Variants in TM2D3 observed in about 807,000 individuals in gnomAD.
TM2D3 encodes TM2 domain-containing protein 3.
In TM2D3, 33 loss-of-function variants were observed where a neutral mutation model predicts 27.3. The ratio of observed to expected loss-of-function variants is 1.21; its 90% CI spans 0.92 to 1.61. TM2D3 has a LOEUF of 1.61. Ranked by LOEUF, TM2D3 falls within the 40% of genes most tolerant of loss-of-function variation. The pLI is 0.00. For synonymous variants in TM2D3, 138 were observed against 122.2 expected (o/e 1.13, Z -0.85); for missense variants, 364 against 320.8 (o/e 1.13, Z -1.03).
chr15:101,636,358 T>C (rs560815552), intron 4 of TM2D3: 6 of 152,290 alleles, frequency 3.9e-5, no homozygotes, highest in African/African-American at 1.4e-4. Flanking sequence ...CACCCAAAGA[T>C]GCTGGGGTCA....
chr15:101,637,628 A>G (rs74817739), downstream of TM2D3, among the ~76,000 whole-genome samples: 4 of 152,294 alleles, frequency 2.6e-5, no homozygotes, highest in East Asian at 5.8e-4. Context: ...GAGGGAAAAA[A>G]GGTCAGAGTT....
At chr15:101,639,244 T>C (rs564938756), downstream of TM2D3, among the ~76,000 whole-genome samples, 9 of 152,276 alleles carry the variant, frequency 5.9e-5, no homozygotes, top group East Asian at 1.5e-3. Flanking sequence ...ACGCATACGA[T>C]GTATATACAA....
At chr15:101,642,720 A>G in intron 5 of TM2D3, 76 bp from the exon 6 acceptor site, 1 of 1,275,666 alleles carries the variant, frequency 7.8e-7, no homozygotes, top group Non-Finnish European at 1.1e-6. Context: ...TAATCACCAC[A>G]TTATGTCAGA....
chr15:101,646,689 C>A lies in TM2D3; in HGVS notation c.502+36G>T, dbSNP rs760538410. The A allele has an allele frequency of 2.5e-6, 4 of 1,613,352 alleles. No homozygotes were observed. The Admixed American group carries it at 6.7e-5, about 27-fold the overall frequency. ...TCCCTTCAATAAACTTGGAGAAAAA[C>A]ATTTTGTTGACAAATGTCCTTGAAC... On this transcript the variant is annotated intron_variant, in intron 4 of 5. Coordinates refer to ENST00000333202, the MANE Select transcript of TM2D3 (RefSeq NM_078474.3).
intron 1 of TM2D3, 140 bp downstream of exon 1, chr15:101,652,131 T>G (rs1897000083): frequency 1.2e-6 from 1 of 814,720 alleles, no homozygotes; most frequent in Admixed American, 2.5e-5. Context: ...AGACTCCAGA[T>G]GCAGCGACAA....
chr15:101,645,495 A>G (rs1255912019), intron 4 of TM2D3: 4 of 288,234 alleles, frequency 1.4e-5, no homozygotes, highest in Non-Finnish European at 2.6e-5. Flanking sequence ...AGAAATATAC[A>G]AACACTTCAT....
At chr15:101,640,518 C>A (rs1281237819), downstream of TM2D3, among the ~76,000 whole-genome samples, 1 of 152,164 alleles carries the variant, frequency 6.6e-6, no homozygotes, top group Non-Finnish European at 1.5e-5. Context: ...AGGAATAGAA[C>A]CTGAAGGTCA....
chr15:101,643,599 T>TTAAA (rs1309191747), intron 5 of TM2D3, among the ~76,000 whole-genome samples: 16 of 47,314 alleles, frequency 3.4e-4, no homozygotes, highest in African/African-American at 1.0e-3. Flanking sequence ...GAGACTCCGT[T>TTAAA]AAAAAAAAAA....
At position 101,651,640 on chromosome 15, in the gene TM2D3, A is replaced by G. The variant is rs1254939958; in HGVS notation, c.169+56T>C. The G allele has an allele frequency of 2.2e-5, 33 of 1,509,834 alleles. 1 individual carries two copies. The South Asian group carries it at 3.1e-4, about 14-fold the overall frequency. The allele number at this position is 1,509,834 out of a possible 1,614,324, so 93.5% of individuals were successfully genotyped here. A position where few individuals can be genotyped will look rare whatever the true frequency, so the allele number is the denominator to read the frequency against. ...CTAAAGGGAATTTTTATAAAAACAA[A>G]GAGAAACTACTAGAGATAACTACAT... is the stretch of plus-strand genomic sequence containing the variant. On this transcript the variant is annotated intron_variant, in intron 2 of 5. Transcript: ENST00000333202.
intron 4 of TM2D3, chr15:101,646,268 T>A (rs1896802882): frequency 6.0e-6 from 1 of 167,224 alleles, no homozygotes; most frequent in African/African-American, 2.4e-5. Context: ...TACACGGTTC[T>A]AAAACATGCA....
chr15:101,637,762 AG>A (rs1413418925), downstream of TM2D3, among the ~76,000 whole-genome samples: 2 of 152,146 alleles, frequency 1.3e-5, no homozygotes, highest in Non-Finnish European at 2.9e-5. Flanking sequence ...TTTTAGAGAC[AG>A]GCGTAACTAC....
chr15:101,651,565 C>A, intron 2 of TM2D3, 131 bp downstream of exon 2: 2 of 918,890 alleles, frequency 2.2e-6, no homozygotes, highest in South Asian at 3.2e-5. Context: ...CCTTAATTCA[C>A]ATAATCTAAA....
chr15:101,651,944 G>C, intron 1 of TM2D3, 171 bp from the exon 2 acceptor site: 3 of 686,994 alleles, frequency 4.4e-6, no homozygotes, highest in Non-Finnish European at 7.6e-6. Flanking sequence ...CAACAGAGTA[G>C]ACATCAGTTC....
chr15:101,641,662 A>C (rs1447882376), downstream of TM2D3, among the ~76,000 whole-genome samples: 1 of 152,180 alleles, frequency 6.6e-6, no homozygotes, highest in African/African-American at 2.4e-5. Flanking sequence ...TTCCCCGATA[A>C]AGGGTCTATA....
intron 4 of TM2D3, 80 bp downstream of exon 4, chr15:101,646,645 C>T (rs770345190): frequency 1.1e-4 from 162 of 1,526,012 alleles, no homozygotes; most frequent in Non-Finnish European, 1.4e-4. Context: ...TAACTTGACT[C>T]GCAAATTTCT....
At chr15:101,643,411 G>A (rs541176345) in intron 5 of TM2D3, among the ~76,000 whole-genome samples, 2 of 151,858 alleles carry the variant, frequency 1.3e-5, no homozygotes, top group African/African-American at 4.8e-5. Context: ...GACCATCCTG[G>A]CTAACACGGT....
At chr15:101,641,172 G>C (rs1036197704), downstream of TM2D3, among the ~76,000 whole-genome samples, 1 of 152,160 alleles carries the variant, frequency 6.6e-6, no homozygotes, top group Non-Finnish European at 1.5e-5. Context: ...ACAGTTTAAC[G>C]GATACAAAAA....
intron 3 of TM2D3, among the ~76,000 whole-genome samples, 193 bp from the exon 4 acceptor site, chr15:101,647,092 T>G (rs1896834069): frequency 6.6e-6 from 1 of 152,154 alleles, no homozygotes; most frequent in South Asian, 2.1e-4. Flanking sequence ...CTCATAATCA[T>G]AAAACTACAC....
chr15:101,636,266 C>T (rs1896548628), intron 4 of TM2D3: 1 of 152,114 alleles, frequency 6.6e-6, no homozygotes, highest in Non-Finnish European at 1.5e-5. Context: ...TAACAATAGA[C>T]AGATAGGCTC....
Sources: gnomAD v4.1 joint callset for allele counts (sites outside exome capture counted in the v4.1 genomes callset) on GRCh38, gnomAD v4.1.1 for gene constraint, MANE v1.5 for transcripts, NCBI Gene and HGNC (gene_info 2026-07-23, HGNC 2026-07-21) for gene names.